Variants in SYNE2 observed in about 807,000 individuals in gnomAD.
SYNE2 encodes nesprin-2.
A neutral mutation model predicts 856.3 loss-of-function variants in SYNE2; 431 were observed. The ratio of observed to expected loss-of-function variants is 0.50; its 90% CI spans 0.47 to 0.55. The LOEUF is 0.55. Among genes scored for constraint, SYNE2 ranks in the 20% least tolerant of loss-of-function variants. The pLI is 0.00. For synonymous variants in SYNE2, 2,923 were observed against 2,872.3 expected (o/e 1.02, Z -0.56); for missense variants, 8,129 against 8,023.2 (o/e 1.01, Z -0.50).
At chr14:63,844,934 T>C (rs1890181221) in intron 1 of SYNE2, among the ~76,000 whole-genome samples, 2 of 152,192 alleles carry the variant, frequency 1.3e-5, no homozygotes, top group Admixed American at 1.3e-4. Context: ...ACAATTTATG[T>C]AGCAGCATCT....
intron 57 of SYNE2, among the ~76,000 whole-genome samples, chr14:64,083,734 T>C (rs1324768549): frequency 6.6e-6 from 1 of 152,322 alleles, no homozygotes; most frequent in Non-Finnish European, 1.5e-5. Context: ...AGTTTTTATA[T>C]TGACTTTTAA....
At chr14:63,970,208 A>G (rs1297321889) in intron 11 of SYNE2, among the ~76,000 whole-genome samples, 1 of 149,946 alleles carries the variant, frequency 6.7e-6, no homozygotes, top group African/African-American at 2.5e-5. Context: ...TTTTTTTTTG[A>G]GATCGAATCT....
intron 90 of SYNE2, chr14:64,166,867 A>G: frequency 3.6e-6 from 1 of 277,270 alleles, no homozygotes; most frequent in Non-Finnish European, 7.0e-6. Context: ...CAGGAGGCGG[A>G]GGTTGCAGTG....
intron 65 of SYNE2, among the ~76,000 whole-genome samples, chr14:64,111,883 A>G (rs2097811442): frequency 6.6e-6 from 1 of 152,228 alleles, no homozygotes; most frequent in African/African-American, 2.4e-5. Flanking sequence ...AAGTTCAGAA[A>G]AAGCACAACA....
chr14:64,216,055 C>G (rs2098664933), intron 107 of SYNE2, 193 bp from the exon 108 acceptor site: 1 of 1,494,248 alleles, frequency 6.7e-7, no homozygotes, highest in Non-Finnish European at 8.9e-7. Context: ...GTGTACCCAT[C>G]TAGTGAAGGC....
chr14:63,883,476 C>T (rs1319640044), intron 1 of SYNE2, among the ~76,000 whole-genome samples: 1 of 152,080 alleles, frequency 6.6e-6, no homozygotes, highest in Non-Finnish European at 1.5e-5. Context: ...ACCTCAGCCT[C>T]CCAGGGATCT....
intron 92 of SYNE2, among the ~76,000 whole-genome samples, chr14:64,168,314 G>A (rs963164306): frequency 4.6e-5 from 7 of 152,182 alleles, no homozygotes; most frequent in Non-Finnish European, 7.4e-5. Context: ...TGTTGGCCAG[G>A]CTGGTCTCGA....
At chr14:63,969,630 T>G (rs775347848) in intron 11 of SYNE2, among the ~76,000 whole-genome samples, 1 of 152,014 alleles carries the variant, frequency 6.6e-6, no homozygotes, top group Non-Finnish European at 1.5e-5. Flanking sequence ...CATGAGCCAC[T>G]GTGCCCGGCC....
At chr14:64,099,408 C>T (rs2097702997) in intron 63 of SYNE2, 1 of 170,472 alleles carries the variant, frequency 5.9e-6, no homozygotes, top group Non-Finnish European at 1.3e-5. Flanking sequence ...CCACCAGACA[C>T]TTTTTGGGCT....
intron 1 of SYNE2, among the ~76,000 whole-genome samples, chr14:63,836,815 A>G (rs145256175): frequency 1.3e-5 from 2 of 152,218 alleles, no homozygotes; most frequent in South Asian, 4.1e-4. Context: ...GTTAGATAAT[A>G]TTCTTCCTCT....
At chr14:63,898,358 A>G (rs1040100441) in intron 1 of SYNE2, among the ~76,000 whole-genome samples, 9 of 151,832 alleles carry the variant, frequency 5.9e-5, no homozygotes, top group Non-Finnish European at 1.0e-4. Flanking sequence ...TTAGTGTTCT[A>G]TTTTGTTGGC....
intron 1 of SYNE2, among the ~76,000 whole-genome samples, chr14:63,815,037 CATCCACATATATAT>C (rs1888862502): frequency 1.1e-5 from 1 of 88,362 alleles, no homozygotes. Context: ...TCCATATATA[CATCCACATATATAT>C]ATCCATATAT....
intron 52 of SYNE2, 45 bp from the exon 53 acceptor site, chr14:64,073,920 TAGA>T: frequency 6.3e-7 from 1 of 1,588,830 alleles, no homozygotes; most frequent in Non-Finnish European, 8.6e-7. Flanking sequence ...ATTTTATTCA[TAGA>T]AGAGCAGGAT....
chr14:64,137,723 T>A, intron 78 of SYNE2, 64 bp from the exon 79 acceptor site: 1 of 1,557,224 alleles, frequency 6.4e-7, no homozygotes, highest in Admixed American at 1.8e-5. Context: ...AATGCAGTAT[T>A]TGTGAATAGC....
chr14:63,802,118 ATTAT>A (rs1388920621), intron 1 of SYNE2, among the ~76,000 whole-genome samples: 1 of 140,010 alleles, frequency 7.1e-6, no homozygotes, highest in African/African-American at 2.6e-5. Context: ...TACTATTATT[ATTAT>A]TTGAGATGAA....
At chr14:64,097,838 A>T in intron 61 of SYNE2, 111 bp from the exon 62 acceptor site, 1 of 1,108,858 alleles carries the variant, frequency 9.0e-7, no homozygotes, top group Non-Finnish European at 1.4e-6. Context: ...TGGCTTTGTA[A>T]ACCAAATAGC....
At chr14:64,199,917 G>A (rs1263620309) in intron 99 of SYNE2, among the ~76,000 whole-genome samples, 2 of 152,076 alleles carry the variant, frequency 1.3e-5, no homozygotes, top group African/African-American at 4.8e-5. Flanking sequence ...CCATTGGTTT[G>A]TTCTGAGCAC....
At position 64,213,022 on chromosome 14, in the gene SYNE2, C is replaced by T; in HGVS notation, c.19056+17C>T. ...TGCACTCCGGTACGGGCACTGCTGC[C>T]TAGAAATGGCACCTGGGCTGCTCAG... On this transcript the variant is annotated intron_variant, in intron 105 of 115. Coordinates refer to ENST00000555002, the MANE Select transcript of SYNE2 (RefSeq NM_182914.3). 6.2e-7 allele frequency: 1 copy of T among 1,612,396 alleles called. No homozygotes were observed. The highest frequency in any genetic ancestry group is 1.3e-5 in the African/African-American group (1 of 74,988).
At chr14:64,219,042 A>G (rs1266281618) in intron 109 of SYNE2, among the ~76,000 whole-genome samples, 166 bp from the exon 110 acceptor site, 3 of 150,840 alleles carry the variant, frequency 2.0e-5, no homozygotes, top group Admixed American at 1.3e-4. Flanking sequence ...TCCACATTCC[A>G]GGAGAAGAGA....
Sources: allele counts gnomAD v4.1 joint callset (sites outside exome capture counted in the v4.1 genomes callset), GRCh38; gene constraint gnomAD v4.1.1; transcripts MANE v1.5; gene names NCBI Gene and HGNC (gene_info 2026-07-23, HGNC 2026-07-21).